The following ARHGAP15 variants were observed in gnomAD, a reference collection of about 807,000 sequenced individuals.
The protein encoded by ARHGAP15 is Rho GTPase activating protein 15.
ARHGAP15 carries 51 observed loss-of-function variants against 63.7 expected under a neutral mutation model. The observed-to-expected ratio is 0.80, with a 90% confidence interval of 0.64 to 1.01. ARHGAP15 has a LOEUF of 1.01. ARHGAP15 is among the 50% of genes least tolerant of loss of function. The probability of loss-of-function intolerance (pLI) is 0.00; values close to 1 mark genes in which losing one functional copy is unlikely to be tolerated. For synonymous variants in ARHGAP15, 191 were observed against 193.8 expected (o/e 0.99, Z 0.12); for missense variants, 560 against 564.6 (o/e 0.99, Z 0.08).
intron 6 of ARHGAP15, chr2:143,350,838 CAAAAAAAAAAAA>C: frequency 1.7e-5 from 1 of 57,758 alleles, no homozygotes; most frequent in South Asian, 7.8e-4. Flanking sequence ...GACTCAGTCT[CAAAAAAAAAAAA>C]AAAAAAAAAA....
intron 5 of ARHGAP15, among the ~76,000 whole-genome samples, chr2:143,243,180 C>T (rs945614775): frequency 1.6e-4 from 25 of 152,188 alleles, no homozygotes; most frequent in African/African-American, 5.8e-4. Flanking sequence ...CATTAAAAGA[C>T]TATGGACCCC....
At chr2:143,281,351 G>GGA (rs1681840021) in intron 6 of ARHGAP15, among the ~76,000 whole-genome samples, 1 of 152,116 alleles carries the variant, frequency 6.6e-6, no homozygotes, top group Non-Finnish European at 1.5e-5. Context: ...CCAAGAGCTT[G>GGA]GATGAAGTCT....
chr2:143,586,692 A>G (rs1410992598), intron 11 of ARHGAP15, among the ~76,000 whole-genome samples: 1 of 151,464 alleles, frequency 6.6e-6, no homozygotes, highest in Non-Finnish European at 1.5e-5. Flanking sequence ...TTTTTTAACT[A>G]TAGGTTAACT....
chr2:143,709,428 G>A (rs553303174), intron 13 of ARHGAP15, among the ~76,000 whole-genome samples: 12 of 152,278 alleles, frequency 7.9e-5, no homozygotes, highest in Admixed American at 1.3e-4. Flanking sequence ...CAGATTTTAC[G>A]TGCAAATAAA....
chr2:143,497,525 C>A (rs1170298274), intron 9 of ARHGAP15, among the ~76,000 whole-genome samples: 1 of 152,200 alleles, frequency 6.6e-6, no homozygotes, highest in Non-Finnish European at 1.5e-5. Context: ...ATAGTTCCCT[C>A]CTGACTCCTA....
chr2:143,393,560 C>T (rs1687625806), intron 6 of ARHGAP15, among the ~76,000 whole-genome samples: 1 of 151,660 alleles, frequency 6.6e-6, no homozygotes, highest in Non-Finnish European at 1.5e-5. Flanking sequence ...GGTGAAACCC[C>T]ATCTCTACTA....
intron 3 of ARHGAP15, among the ~76,000 whole-genome samples, chr2:143,209,477 C>G (rs1023403317): frequency 6.6e-6 from 1 of 151,766 alleles, no homozygotes; most frequent in Non-Finnish European, 1.5e-5. Flanking sequence ...TCTAGAGAAG[C>G]GTTCAGTCTA....
rs556795183 is a variant in ARHGAP15, at chr2:143,616,574, C to A, written c.1004-7559C>A. Among the ~76,000 whole-genome samples the A allele has an allele frequency of 2.0e-5, 3 of 152,226 alleles. 1 individual carries two copies. The highest frequency in any genetic ancestry group is 4.1e-4 in the South Asian group (2 of 4,828). On this transcript the variant is annotated intron_variant, in intron 11 of 13. Transcript: ENST00000295095. ...CCCATTAGATGTTCAGAAATAAAAG[C>A]TTTTAAAGAAAAGTTTTAAAATCTT...
intron 6 of ARHGAP15, among the ~76,000 whole-genome samples, chr2:143,347,603 G>A (rs1685352502): frequency 6.6e-6 from 1 of 152,084 alleles, no homozygotes; most frequent in Non-Finnish European, 1.5e-5. Context: ...TCAGATGAGC[G>A]GTTGCTGGCC....
intron 6 of ARHGAP15, among the ~76,000 whole-genome samples, chr2:143,328,550 C>T (rs1445352608): frequency 6.6e-6 from 1 of 151,944 alleles, no homozygotes; most frequent in Non-Finnish European, 1.5e-5. Flanking sequence ...CACATGGACA[C>T]AGGGAGGGGA....
chr2:143,423,286 C>T (rs948246278), intron 6 of ARHGAP15, among the ~76,000 whole-genome samples: 1 of 152,120 alleles, frequency 6.6e-6, no homozygotes, highest in African/African-American at 2.4e-5. Flanking sequence ...CTCACTAATA[C>T]AGGTTCTCAG....
chr2:143,591,627 CT>C (rs975290171), intron 11 of ARHGAP15, among the ~76,000 whole-genome samples: 6 of 89,774 alleles, frequency 6.7e-5, no homozygotes, highest in African/African-American at 8.8e-5. Flanking sequence ...TTTTTTTTTT[CT>C]TTTTTTTTTT....
chr2:143,215,177 C>T (rs1692701661), intron 3 of ARHGAP15, among the ~76,000 whole-genome samples: 1 of 152,128 alleles, frequency 6.6e-6, no homozygotes. Flanking sequence ...CAATGGCAAA[C>T]TGAAAATGGA....
intron 6 of ARHGAP15, among the ~76,000 whole-genome samples, chr2:143,276,879 T>A (rs900649172): frequency 6.6e-6 from 1 of 152,298 alleles, no homozygotes; most frequent in East Asian, 1.9e-4. Context: ...TATTCTTTGT[T>A]TGGTTTAATT....
At chr2:143,329,859 T>C (rs1392865384) in intron 6 of ARHGAP15, among the ~76,000 whole-genome samples, 28 of 149,628 alleles carry the variant, frequency 1.9e-4, no homozygotes, top group African/African-American at 6.9e-4. Context: ...GTGGAGCCAC[T>C]CTACAAAAGT....
intron 8 of ARHGAP15, among the ~76,000 whole-genome samples, chr2:143,438,347 T>A (rs962808862): frequency 6.6e-6 from 1 of 151,848 alleles, no homozygotes; most frequent in African/African-American, 2.4e-5. Flanking sequence ...GAAATATATG[T>A]ATATACACAT....
chr2:143,478,760 CTA>C (rs1691940314), intron 8 of ARHGAP15, among the ~76,000 whole-genome samples: 1 of 152,114 alleles, frequency 6.6e-6, no homozygotes, highest in Non-Finnish European at 1.5e-5. Context: ...GAAATTAAGA[CTA>C]TTTTAGAAGA....
At chr2:143,370,632 G>A (rs958049819) in intron 6 of ARHGAP15, among the ~76,000 whole-genome samples, 2 of 151,942 alleles carry the variant, frequency 1.3e-5, no homozygotes, top group African/African-American at 4.8e-5. Flanking sequence ...CTTCTACATC[G>A]TTTCTAAAAT....
intron 11 of ARHGAP15, among the ~76,000 whole-genome samples, chr2:143,571,208 A>C (rs1385793617): frequency 6.6e-6 from 1 of 152,198 alleles, no homozygotes; most frequent in Non-Finnish European, 1.5e-5. Context: ...TTGATTCTAC[A>C]TTATGGTGAG....
Sources: allele counts gnomAD v4.1 joint callset (sites outside exome capture counted in the v4.1 genomes callset), GRCh38; gene constraint gnomAD v4.1.1; transcripts MANE v1.5; gene names NCBI Gene and HGNC (gene_info 2026-07-23, HGNC 2026-07-21).